The following PCDHA12 variants were observed in gnomAD, a reference collection of about 807,000 sequenced individuals.
PCDHA12 encodes the protein protocadherin alpha-12.
Under a neutral mutation model 60.0 loss-of-function variants are expected in PCDHA12, and 44 were observed. That is an observed-to-expected ratio of 0.73 (90% CI 0.58 to 0.94). The LOEUF is 0.94. Ranked by LOEUF, PCDHA12 falls within the 40% of genes least tolerant of loss-of-function variation. The pLI, the probability that PCDHA12 is intolerant of heterozygous loss-of-function variation, is 0.00. For missense variants in PCDHA12, 1,276 were observed against 1,239.7 expected (o/e 1.03, Z -0.44); for synonymous variants, 569 against 553.0 (o/e 1.03, Z -0.40).
At chr5:140,921,078 C>A (rs2153559626) in intron 1 of PCDHA12, among the ~76,000 whole-genome samples, 1 of 151,870 alleles carries the variant, frequency 6.6e-6, no homozygotes, top group East Asian at 2.0e-4. Context: ...CTCTTGGGCT[C>A]AAGAGAATCC....
intron 1 of PCDHA12, chr5:140,969,086 G>A: frequency 6.2e-7 from 1 of 1,614,190 alleles, no homozygotes; most frequent in Non-Finnish European, 8.5e-7. Context: ...TGGCCTCAAA[G>A]TGCAGCCTCA....
At chr5:140,910,891 C>T (rs1273456408) in intron 1 of PCDHA12, among the ~76,000 whole-genome samples, 1 of 152,176 alleles carries the variant, frequency 6.6e-6, no homozygotes, top group Admixed American at 6.5e-5. Context: ...ATATCCATTC[C>T]TATGCCTGTC....
intron 1 of PCDHA12, among the ~76,000 whole-genome samples, chr5:140,960,257 C>T (rs1554224600): frequency 6.6e-6 from 1 of 152,186 alleles, no homozygotes; most frequent in African/African-American, 2.4e-5. Flanking sequence ...CCTGGAGCTT[C>T]TGATAAATTC....
intron 1 of PCDHA12, chr5:140,968,753 C>G: frequency 1.2e-6 from 2 of 1,614,022 alleles, no homozygotes; most frequent in Non-Finnish European, 1.7e-6. Flanking sequence ...CGTGGTGGTC[C>G]GAGATAATGG....
intron 1 of PCDHA12, chr5:140,927,763 G>C (rs1554205034): frequency 6.2e-7 from 1 of 1,614,198 alleles, no homozygotes; most frequent in African/African-American, 1.3e-5. Context: ...CCCTAAAAGT[G>C]GGGAGGTGCA....
intron 1 of PCDHA12, chr5:140,928,828 C>G (rs199775949): frequency 6.2e-7 from 1 of 1,614,160 alleles, no homozygotes. Context: ...AGACCCACCA[C>G]TTTCCTCCTC....
rs1471783281 is a variant in PCDHA12 at position 140,877,156 on chromosome 5, G to C, written c.1684G>C (p.Ala562Pro). The change falls in exon 1 of 4, where the codon GCG (alanine) becomes CCG (proline). Residue 562 changes from alanine to proline, a missense_variant. Physicochemically the swap from Ala to Pro is conservative, Grantham distance 27 (BLOSUM62 -1). Coordinates refer to ENST00000398631, the MANE Select transcript of PCDHA12 (RefSeq NM_018903.4). Reference sequence around the variant, plus strand: ...GTTCGTGCTGGACGAGAACGACAACGCGCCGGCACTGCTGGCGACTCCGGC... The same window carrying C: ...GTTCGTGCTGGACGAGAACGACAACCCGCCGGCACTGCTGGCGACTCCGGC... ...QVFVLDENDN[A>P]PALLATPAGS... The C allele has an allele frequency of 6.2e-7, 1 of 1,613,810 alleles. No individual in the cohort carries two copies. Among genetic ancestry groups the C allele is most frequent in the Non-Finnish European group, 8.5e-7 (1 of 1,179,850 alleles).
At chr5:140,927,903 C>T in intron 1 of PCDHA12, 1 of 1,614,158 alleles carries the variant, frequency 6.2e-7, no homozygotes, top group South Asian at 1.1e-5. Flanking sequence ...ACGATCATGC[C>T]CCCGAACTGG....
chr5:140,926,756 G>T, intron 1 of PCDHA12: 1 of 1,289,704 alleles, frequency 7.8e-7, no homozygotes, highest in South Asian at 2.2e-5. Context: ...GGCGGTCGCT[G>T]AGTATCCAGC....
intron 2 of PCDHA12, among the ~76,000 whole-genome samples, chr5:140,979,796 T>A (rs1322390860): frequency 3.3e-5 from 5 of 152,236 alleles, no homozygotes; most frequent in Non-Finnish European, 7.3e-5. Flanking sequence ...AAACAAATGA[T>A]CACAACTATC....
intron 1 of PCDHA12, among the ~76,000 whole-genome samples, chr5:140,955,559 A>G (rs1220948022): frequency 6.6e-6 from 1 of 152,164 alleles, no homozygotes; most frequent in African/African-American, 2.4e-5. Flanking sequence ...CTCCCCAGCC[A>G]TACTGAACTG....
chr5:140,926,420 T>G, intron 1 of PCDHA12: 1 of 152,792 alleles, frequency 6.5e-6, no homozygotes, highest in Non-Finnish European at 1.5e-5. Context: ...GGGCAGAGGA[T>G]GTGGAGGTTA....
intron 3 of PCDHA12, among the ~76,000 whole-genome samples, chr5:141,004,051 A>G (rs2098149842): frequency 6.6e-6 from 1 of 152,240 alleles, no homozygotes; most frequent in East Asian, 1.9e-4. Flanking sequence ...ATTTGCTGAT[A>G]CTGGCCCCTG....
chr5:140,877,153 A>T lies in PCDHA12; in HGVS notation c.1681A>T (p.Asn561Tyr), dbSNP rs2056892429. The T allele has an allele frequency of 1.2e-6, 2 of 1,613,798 alleles. No homozygotes were observed. The highest frequency in any genetic ancestry group is 1.7e-6 in the Non-Finnish European group (2 of 1,179,846). Residue 561 changes from asparagine (N) to tyrosine (Y), a missense_variant, in exon 1 of 4, where the codon AAC (asparagine) becomes TAC (tyrosine). By Grantham distance (143) the Asn-to-Tyr change is moderately radical. Transcript: ENST00000398631. Reference protein sequence around the residue: ...LQVFVLDENDNAPALLATPAG... With the variant: ...LQVFVLDENDYAPALLATPAG... ...GGTGTTCGTGCTGGACGAGAACGAC[A>T]ACGCGCCGGCACTGCTGGCGACTCC...
intron 1 of PCDHA12, among the ~76,000 whole-genome samples, chr5:140,933,619 T>C (rs2089273151): frequency 2.6e-5 from 4 of 152,058 alleles, no homozygotes; most frequent in Non-Finnish European, 2.9e-5. Flanking sequence ...TCTTATTAGG[T>C]TAGGCTGGCC....
At chr5:140,926,664 C>T (rs2083450429) in intron 1 of PCDHA12, 1 of 546,968 alleles carries the variant, frequency 1.8e-6, no homozygotes, top group East Asian at 3.5e-5. Context: ...CTTTCCCAGA[C>T]GGCTGCCCAG....
chr5:140,883,486 A>G (rs2059636103), intron 1 of PCDHA12: 1 of 1,614,016 alleles, frequency 6.2e-7, no homozygotes, highest in Non-Finnish European at 8.5e-7. Context: ...ACTACTACTC[A>G]TTAGTGCTGG....
chr5:140,996,453 C>A (rs1289648745), intron 3 of PCDHA12, among the ~76,000 whole-genome samples: 2 of 152,160 alleles, frequency 1.3e-5, no homozygotes, highest in African/African-American at 4.8e-5. Flanking sequence ...AGTTGTGGTG[C>A]TAAGGGAGGA....
intron 1 of PCDHA12, chr5:140,882,277 T>C: frequency 1.9e-6 from 3 of 1,612,528 alleles, no homozygotes; most frequent in African/African-American, 1.3e-5. Flanking sequence ...CCATGCTGTC[T>C]TCCTGGCAAG....
Sources: gnomAD v4.1 joint callset for allele counts (sites outside exome capture counted in the v4.1 genomes callset) on GRCh38, gnomAD v4.1.1 for gene constraint, MANE v1.5 for transcripts, NCBI Gene and HGNC (gene_info 2026-07-23, HGNC 2026-07-21) for gene names.